Variants in ZCCHC7 observed in about 807,000 individuals in gnomAD.
ZCCHC7 encodes the protein zinc finger CCHC-type containing 7.
ZCCHC7 carries 35 observed loss-of-function variants against 52.0 expected under a neutral mutation model. That is an observed-to-expected ratio of 0.67 (90% CI 0.51 to 0.89). The LOEUF is 0.89. Among genes scored for constraint, ZCCHC7 ranks in the 40% least tolerant of loss-of-function variants. The probability of loss-of-function intolerance (pLI) is 0.00; values close to 1 mark genes in which losing one functional copy is unlikely to be tolerated. For missense variants in ZCCHC7, 574 were observed against 649.1 expected, an observed-to-expected ratio of 0.88 and a Z score of 1.26; for synonymous variants, 217 against 221.5, an observed-to-expected ratio of 0.98 and a Z score of 0.18.
intron 2 of ZCCHC7, among the ~76,000 whole-genome samples, chr9:37,199,726 T>C (rs1157467999): frequency 6.7e-6 from 1 of 149,074 alleles, no homozygotes; most frequent in Non-Finnish European, 1.5e-5. Context: ...CTTTCTTTCT[T>C]TCTCCTTTTC....
intron 6 of ZCCHC7, among the ~76,000 whole-genome samples, chr9:37,336,260 A>T (rs930513290): frequency 1.3e-5 from 2 of 152,162 alleles, no homozygotes; most frequent in African/African-American, 2.4e-5. Flanking sequence ...TCCAGCGAAA[A>T]AGGCAACTCA....
intron 2 of ZCCHC7, among the ~76,000 whole-genome samples, chr9:37,156,614 A>G (rs891088244): frequency 1.3e-5 from 2 of 152,244 alleles, no homozygotes; most frequent in African/African-American, 2.4e-5. Context: ...GGCTGAAACT[A>G]TTAAATTCTT....
At chr9:37,220,283 G>C (rs1824740085) in intron 2 of ZCCHC7, among the ~76,000 whole-genome samples, 1 of 152,182 alleles carries the variant, frequency 6.6e-6, no homozygotes, top group Non-Finnish European at 1.5e-5. Context: ...GCTCATGCCT[G>C]TAATCCCAGC....
chr9:37,274,286 G>A (rs1355066840), intron 2 of ZCCHC7, among the ~76,000 whole-genome samples: 1 of 147,362 alleles, frequency 6.8e-6, no homozygotes, highest in African/African-American at 2.5e-5. Context: ...TGGCTTTCAT[G>A]AGTGTATAGT....
chr9:37,204,376 TTGCCCATGCCTA>T (rs1823795642), intron 2 of ZCCHC7, among the ~76,000 whole-genome samples: 1 of 152,232 alleles, frequency 6.6e-6, no homozygotes, highest in Admixed American at 6.5e-5. Flanking sequence ...CATAAAATCT[TTGCCCATGCCTA>T]TGTCTTGAAT....
At chr9:37,160,937 A>C (rs1432143517) in intron 2 of ZCCHC7, among the ~76,000 whole-genome samples, 3 of 151,924 alleles carry the variant, frequency 2.0e-5, no homozygotes, top group African/African-American at 7.2e-5. Flanking sequence ...AGATGTATGC[A>C]GGTGGGGCTC....
At chr9:37,320,020 T>TA (rs1362694189) in intron 5 of ZCCHC7, among the ~76,000 whole-genome samples, 13 of 152,246 alleles carry the variant, frequency 8.5e-5, no homozygotes, top group Non-Finnish European at 1.8e-4. Flanking sequence ...CCATATGGTC[T>TA]TGATTACTAT....
chr9:37,129,275 C>G (rs1842672218), intron 2 of ZCCHC7, among the ~76,000 whole-genome samples: 1 of 152,168 alleles, frequency 6.6e-6, no homozygotes, highest in South Asian at 2.1e-4. Context: ...CCATATTTGG[C>G]AAATGATGGT....
chr9:37,207,954 T>A (rs768827798), intron 2 of ZCCHC7, among the ~76,000 whole-genome samples: 8 of 152,218 alleles, frequency 5.3e-5, no homozygotes, highest in Non-Finnish European at 1.0e-4. Context: ...GTGAATAGTT[T>A]TAAGTTTTTG....
chr9:37,279,705 T>C (rs530356670), intron 2 of ZCCHC7, among the ~76,000 whole-genome samples: 2 of 149,466 alleles, frequency 1.3e-5, no homozygotes, highest in Non-Finnish European at 3.0e-5. Flanking sequence ...TAAATTAAAA[T>C]ATATATATAT....
chr9:37,329,632 A>G (rs1265235524), intron 6 of ZCCHC7, among the ~76,000 whole-genome samples: 1 of 151,984 alleles, frequency 6.6e-6, no homozygotes, highest in East Asian at 1.9e-4. Flanking sequence ...GTGTCTCTAA[A>G]ATAAAATAGT....
chr9:37,244,520 G>A (rs1588541356), intron 2 of ZCCHC7, among the ~76,000 whole-genome samples: 2 of 151,868 alleles, frequency 1.3e-5, no homozygotes, highest in Non-Finnish European at 3.0e-5. Context: ...TTTTAAATAT[G>A]ATTTGATTTA....
At position 37,224,802 on chromosome 9, in the gene ZCCHC7, T is replaced by C. The variant is rs138376720; in HGVS notation, c.611-77386T>C. ...ATCTCCACAAAACTCAATGAACCTC[T>C]TGAGAGTCTGAGCGAATACTCATCT... On this transcript the variant is annotated intron_variant, in intron 2 of 8. Transcript: ENST00000336755. 7.9e-4 allele frequency among the ~76,000 whole-genome samples: 121 copies of C among 152,304 alleles called. 2 individuals carry two copies. Among genetic ancestry groups the C allele is most frequent in the African/African-American group, 2.8e-3 (116 of 41,570 alleles).
intron 2 of ZCCHC7, among the ~76,000 whole-genome samples, chr9:37,133,713 C>T (rs181488110): frequency 7.9e-5 from 12 of 152,240 alleles, no homozygotes; most frequent in African/African-American, 2.4e-4. Context: ...CTCAGCCTTC[C>T]GAGTAGCTGG....
chr9:37,288,279 C>CA (rs200690644), intron 2 of ZCCHC7, among the ~76,000 whole-genome samples: 1,715 of 91,404 alleles, frequency 0.019, 37 homozygotes, highest in African/African-American at 0.056. Context: ...GACCTTGTCT[C>CA]AAAAAAAAAA....
chr9:37,176,258 A>G (rs1822022591), intron 2 of ZCCHC7, among the ~76,000 whole-genome samples: 1 of 152,110 alleles, frequency 6.6e-6, no homozygotes, highest in African/African-American at 2.4e-5. Flanking sequence ...TATTTTTAGT[A>G]GAGACGGGGT....
intron 2 of ZCCHC7, among the ~76,000 whole-genome samples, chr9:37,259,735 C>G (rs1826774419): frequency 6.6e-6 from 1 of 152,082 alleles, no homozygotes; most frequent in Non-Finnish European, 1.5e-5. Context: ...ATTCTTTCTG[C>G]TATTTCTTGT....
chr9:37,224,801 C>A (rs1280078968), intron 2 of ZCCHC7, among the ~76,000 whole-genome samples: 1 of 152,192 alleles, frequency 6.6e-6, no homozygotes, highest in South Asian at 2.1e-4. Flanking sequence ...CAATGAACCT[C>A]TTGAGAGTCT....
chr9:37,228,228 A>G (rs1049448259), intron 2 of ZCCHC7, among the ~76,000 whole-genome samples: 13 of 152,210 alleles, frequency 8.5e-5, no homozygotes. Flanking sequence ...GTTTAAATGG[A>G]AGAAATTTTA....
Sources: allele counts gnomAD v4.1 joint callset (sites outside exome capture counted in the v4.1 genomes callset), GRCh38; gene constraint gnomAD v4.1.1; transcripts MANE v1.5; gene names NCBI Gene and HGNC (gene_info 2026-07-23, HGNC 2026-07-21).